ZNF804B: variants seen among roughly 807,000 people sequenced by gnomAD.
ZNF804B encodes zinc finger 804B.
ZNF804B carries 80 observed loss-of-function variants against 101.4 expected under a neutral mutation model. The observed-to-expected ratio is 0.79, with a 90% CI of 0.66 to 0.95. The LOEUF (loss-of-function observed/expected upper bound fraction) is 0.95. Among genes scored for constraint, ZNF804B ranks in the 40% least tolerant of loss-of-function variants. The pLI is 0.00. For synonymous variants in ZNF804B, 622 were observed against 558.8 expected, an observed-to-expected ratio of 1.11 and a Z score of -1.59; for missense variants, 1,673 against 1,561.9, an observed-to-expected ratio of 1.07 and a Z score of -1.20.
intron 1 of ZNF804B, among the ~76,000 whole-genome samples, chr7:89,213,177 G>A (rs759945474): frequency 6.6e-6 from 1 of 152,060 alleles, no homozygotes; most frequent in Non-Finnish European, 1.5e-5. Context: ...CAAGTTTTCT[G>A]TTATCCAAGC....
chr7:88,793,641 C>T (rs911586715), intron 1 of ZNF804B, among the ~76,000 whole-genome samples: 1 of 152,016 alleles, frequency 6.6e-6, no homozygotes, highest in Non-Finnish European at 1.5e-5. Context: ...TATTCCTTTA[C>T]TTGTGCTCTC....
intron 1 of ZNF804B, among the ~76,000 whole-genome samples, chr7:88,845,187 G>C (rs184642676): frequency 6.6e-6 from 1 of 152,130 alleles, no homozygotes; most frequent in Non-Finnish European, 1.5e-5. Flanking sequence ...AATCTATTAC[G>C]TGTTGAACTT....
chr7:89,307,568 A>C (rs544929441), intron 2 of ZNF804B, among the ~76,000 whole-genome samples: 1 of 152,116 alleles, frequency 6.6e-6, no homozygotes, highest in African/African-American at 2.4e-5. Context: ...TCATTCATTT[A>C]GAGTATCTTT....
intron 1 of ZNF804B, among the ~76,000 whole-genome samples, chr7:89,146,044 T>C (rs943540150): frequency 6.6e-6 from 1 of 152,088 alleles, no homozygotes; most frequent in African/African-American, 2.4e-5. Context: ...TTCCAAATGA[T>C]GTTGAAACTC....
chr7:89,110,179 T>A (rs1195118232), intron 1 of ZNF804B, among the ~76,000 whole-genome samples: 3 of 152,030 alleles, frequency 2.0e-5, no homozygotes, highest in African/African-American at 7.3e-5. Context: ...CACCAGGAGG[T>A]GTACCAGGTG....
intron 2 of ZNF804B, among the ~76,000 whole-genome samples, chr7:89,305,519 A>G (rs1790547385): frequency 6.6e-6 from 1 of 151,944 alleles, no homozygotes; most frequent in African/African-American, 2.4e-5. Flanking sequence ...GTTCTTCCTC[A>G]ACATAGTTTG....
chr7:88,822,191 C>T (rs13221086), intron 1 of ZNF804B, among the ~76,000 whole-genome samples: 25,384 of 152,040 alleles, frequency 0.17, 2,586 homozygotes, highest in East Asian at 0.45. Context: ...AGATCTTTTA[C>T]TAGTGCTAGT....
intron 1 of ZNF804B, among the ~76,000 whole-genome samples, chr7:88,824,096 T>C (rs1439038238): frequency 6.6e-6 from 1 of 152,176 alleles, no homozygotes; most frequent in East Asian, 1.9e-4. Context: ...ACTGGTCTGG[T>C]TTAGCCTTCT....
intron 1 of ZNF804B, among the ~76,000 whole-genome samples, chr7:89,139,860 C>T (rs886363003): frequency 9.2e-5 from 14 of 152,018 alleles, no homozygotes; most frequent in African/African-American, 3.4e-4. Flanking sequence ...TTGATCTTCT[C>T]TTATGAATCA....
At chr7:89,205,832 C>T (rs1010725167) in intron 1 of ZNF804B, among the ~76,000 whole-genome samples, 43 of 152,176 alleles carry the variant, frequency 2.8e-4, no homozygotes, top group Non-Finnish European at 4.9e-4. Flanking sequence ...AGGCAGTTTC[C>T]CAGTGGGGAT....
intron 1 of ZNF804B, among the ~76,000 whole-genome samples, chr7:89,060,127 G>A (rs540897245): frequency 2.5e-4 from 38 of 152,086 alleles, no homozygotes; most frequent in Non-Finnish European, 4.1e-4. Context: ...CCATACTATC[G>A]GCATCCCAGG....
intron 1 of ZNF804B, among the ~76,000 whole-genome samples, chr7:89,024,041 A>G (rs1788708530): frequency 6.6e-6 from 1 of 152,162 alleles, no homozygotes; most frequent in Non-Finnish European, 1.5e-5. Flanking sequence ...CCATGACTAT[A>G]TTTCTTAATG....
intron 2 of ZNF804B, among the ~76,000 whole-genome samples, chr7:89,283,215 A>G (rs906976055): frequency 3.3e-5 from 5 of 152,170 alleles, no homozygotes; most frequent in African/African-American, 1.2e-4. Flanking sequence ...AAAAAAGAAA[A>G]TTAAAATATT....
At chr7:89,074,625 C>T (rs1032643936) in intron 1 of ZNF804B, among the ~76,000 whole-genome samples, 1 of 152,134 alleles carries the variant, frequency 6.6e-6, no homozygotes, top group Admixed American at 6.5e-5. Flanking sequence ...ATGTCTTTAT[C>T]AGCAGCATGA....
intron 1 of ZNF804B, among the ~76,000 whole-genome samples, chr7:88,766,122 G>A (rs1789979761): frequency 1.3e-5 from 2 of 152,144 alleles, no homozygotes; most frequent in African/African-American, 4.8e-5. Context: ...GACCAGGTTG[G>A]GCAACAAAGC....
intron 2 of ZNF804B, among the ~76,000 whole-genome samples, chr7:89,226,611 A>G (rs1789092494): frequency 6.6e-6 from 1 of 152,072 alleles, no homozygotes; most frequent in Admixed American, 6.5e-5. Flanking sequence ...TGATGTAACA[A>G]CATAAAATGT....
At chr7:89,091,335 T>TAG (rs1478140459) in intron 1 of ZNF804B, among the ~76,000 whole-genome samples, 2 of 152,164 alleles carry the variant, frequency 1.3e-5, no homozygotes, top group Middle Eastern at 3.2e-3. Context: ...TGGTGAGACC[T>TAG]AGCCAAGTCA....
At chr7:89,226,134 G>A (rs891222801) in intron 2 of ZNF804B, among the ~76,000 whole-genome samples, 1 of 151,720 alleles carries the variant, frequency 6.6e-6, no homozygotes, top group Non-Finnish European at 1.5e-5. Context: ...CATACCACCC[G>A]GTGTTGACAA....
At chr7:89,059,405 G>A (rs1157571771) in intron 1 of ZNF804B, among the ~76,000 whole-genome samples, 1 of 152,144 alleles carries the variant, frequency 6.6e-6, no homozygotes, top group East Asian at 1.9e-4. Context: ...GGAGGCAAAA[G>A]GATAGTAGGC....
Sources: allele counts gnomAD v4.1 joint callset (sites outside exome capture counted in the v4.1 genomes callset), GRCh38; gene constraint gnomAD v4.1.1; transcripts MANE v1.5; gene names NCBI Gene and HGNC (gene_info 2026-07-23, HGNC 2026-07-21).